The following NUP188 variants were observed in gnomAD, a reference collection of about 807,000 sequenced individuals.
NUP188 encodes the protein nucleoporin 188, also known as nucleoporin NUP188.
Under a neutral mutation model 223.0 loss-of-function variants are expected in NUP188, and 97 were observed. That is an observed-to-expected ratio of 0.43 (90% CI 0.37 to 0.51). The LOEUF (loss-of-function observed/expected upper bound fraction) is 0.51. Ranked by LOEUF, NUP188 falls within the 20% of genes least tolerant of loss-of-function variation. The probability of loss-of-function intolerance (pLI) is 0.00; values close to 1 mark genes in which losing one functional copy is unlikely to be tolerated. For missense variants in NUP188, 1,947 were observed against 2,175.6 expected (o/e 0.89, Z 2.09); for synonymous variants, 869 against 828.0 (o/e 1.05, Z -0.85).
At position 129,006,712 on chromosome 9, in the gene NUP188, C is replaced by T. The variant is rs770601461; in HGVS notation, c.*34C>T. ...TGTTCTGCCCACCTACCCCTCTCCA[C>T]CAGCCTACACTGCACCCTGGCTGGC... On this transcript the variant is annotated 3_prime_UTR_variant, in exon 44 of 44. Coordinates refer to ENST00000372577, the MANE Select transcript of NUP188 (RefSeq NM_015354.3). 1.9e-6 allele frequency: 3 copies of T among 1,587,594 alleles called. No homozygotes were observed. The highest frequency in any genetic ancestry group is 1.3e-5 in the African/African-American group (1 of 74,430).
At position 129,001,637 on chromosome 9, in the gene NUP188, A is replaced by G. The variant is rs774650720; in HGVS notation, c.3952A>G (p.Thr1318Ala). Reference sequence around the variant, plus strand: ...GCTCCCCATCCTACCCACCCTCCTCACCACTCTAGAGGTGAGCCTTCGCAT... The same window carrying G: ...GCTCCCCATCCTACCCACCCTCCTCGCCACTCTAGAGGTGAGCCTTCGCAT... ...RRLPILPTLL[T>A]TLEVSLRMKQ... The change falls in exon 35 of 44, where the codon ACC (threonine) becomes GCC (alanine). Residue 1318 changes from threonine (T) to alanine (A), a missense_variant. By Grantham distance (58) the Thr-to-Ala change is moderately conservative (BLOSUM62 0). Transcript: ENST00000372577. The G allele has an allele frequency of 1.7e-5, 28 of 1,613,822 alleles. 1 individual carries two copies. The South Asian group carries it at 3.0e-4, about 17-fold the overall frequency.
At chr9:128,954,270 A>G (rs1405563944) in intron 3 of NUP188, among the ~76,000 whole-genome samples, 2 of 149,962 alleles carry the variant, frequency 1.3e-5, no homozygotes, top group African/African-American at 4.9e-5. Flanking sequence ...GCTGGAGTGC[A>G]GTGGCACGAT....
chr9:128,990,893 C>T (rs1009307456), intron 25 of NUP188, among the ~76,000 whole-genome samples: 4 of 152,028 alleles, frequency 2.6e-5, no homozygotes, highest in African/African-American at 9.7e-5. Flanking sequence ...GTGGCAGGTG[C>T]CTGTGATCCC....
chr9:128,982,856 T>C (rs922034926), intron 16 of NUP188, 46 bp from the exon 17 acceptor site: 2 of 1,612,190 alleles, frequency 1.2e-6, no homozygotes, highest in Non-Finnish European at 1.7e-6. Flanking sequence ...TCAGTGATCT[T>C]AAAGGGGTTG....
chr9:128,960,243 G>GT (rs940415100), intron 8 of NUP188, among the ~76,000 whole-genome samples: 10 of 148,162 alleles, frequency 6.7e-5, no homozygotes, highest in Admixed American at 5.4e-4. Flanking sequence ...TTTTGTTTTT[G>GT]TTTTTTTTGT....
At chr9:128,974,796 G>A (rs1443805166) in intron 12 of NUP188, among the ~76,000 whole-genome samples, 2 of 148,552 alleles carry the variant, frequency 1.3e-5, no homozygotes, top group African/African-American at 5.0e-5. Flanking sequence ...TTTGGAGACA[G>A]GCTGGAGTGC....
intron 25 of NUP188, among the ~76,000 whole-genome samples, chr9:128,991,501 C>G (rs1842429335): frequency 6.6e-6 from 1 of 151,636 alleles, no homozygotes; most frequent in African/African-American, 2.4e-5. Context: ...TCACTGCACT[C>G]CAGCCTGGGC....
chr9:128,990,953 A>G (rs1182585826), intron 25 of NUP188, among the ~76,000 whole-genome samples: 1 of 152,154 alleles, frequency 6.6e-6, no homozygotes, highest in Non-Finnish European at 1.5e-5. Context: ...GGGAGGCAGA[A>G]GTTGCGGTGA....
intron 39 of NUP188, 21 bp downstream of exon 39, chr9:129,005,242 G>A (rs778878212): frequency 2.5e-6 from 4 of 1,613,490 alleles, no homozygotes; most frequent in African/African-American, 1.3e-5. Context: ...TATGCCATGA[G>A]GTCCTGGAAT....
intron 8 of NUP188, among the ~76,000 whole-genome samples, chr9:128,966,164 T>TGTGC (rs1175626161): frequency 1.0e-4 from 15 of 146,698 alleles, no homozygotes; most frequent in Admixed American, 8.1e-4. Context: ...TGTGTGTGTG[T>TGTGC]GTGTGCGTGT....
intron 8 of NUP188, among the ~76,000 whole-genome samples, chr9:128,964,952 C>T (rs1005112543): frequency 1.5e-4 from 23 of 152,088 alleles, no homozygotes; most frequent in African/African-American, 5.6e-4. Flanking sequence ...GTCATCCACC[C>T]GTCTCGGCCT....
intron 12 of NUP188, among the ~76,000 whole-genome samples, chr9:128,978,185 A>G (rs1018997266): frequency 2.0e-5 from 3 of 152,100 alleles, no homozygotes; most frequent in African/African-American, 7.2e-5. Context: ...GCAGTGAGCT[A>G]TGATGGTGCC....
chr9:128,994,875 G>A lies in NUP188; in HGVS notation c.3107G>A (p.Cys1036Tyr), dbSNP rs1842493501. 1 of 1,613,766 alleles carries A rather than the reference G, an allele frequency of 6.2e-7. No homozygotes were observed. Among genetic ancestry groups the A allele is most frequent in the Admixed American group, 1.7e-5 (1 of 60,002 alleles). ...CCACAGCCCAGCATCCTGGAAACCT[G>A]TGCCCTAATCATGAAGATAATTTGC... ...ETSEPSILETCALIMKIICLE... is the reference protein window; with the variant it reads ...ETSEPSILETYALIMKIICLE... The change falls in exon 29 of 44, where the codon TGT becomes TAT. Residue 1036 changes from cysteine (C) to tyrosine (Y), a missense_variant. Physicochemically the swap from Cys to Tyr is radical, Grantham distance 194. Around this residue, in one of 3 missense-constraint regions of NUP188, gnomAD observed 905 missense variants for 990.6 expected, o/e 0.91. Transcript: ENST00000372577.
At chr9:128,961,581 T>G (rs1031329631) in intron 8 of NUP188, among the ~76,000 whole-genome samples, 1 of 130,550 alleles carries the variant, frequency 7.7e-6, no homozygotes, top group Non-Finnish European at 1.5e-5. Flanking sequence ...TCTATATCTA[T>G]CTATCTATCT....
chr9:128,983,970 G>A (rs978896648), intron 19 of NUP188, among the ~76,000 whole-genome samples: 4 of 151,176 alleles, frequency 2.6e-5, no homozygotes, highest in Non-Finnish European at 5.9e-5. Flanking sequence ...ACAGATGTGC[G>A]GCACCACGCC....
chr9:128,993,336 A>G lies in NUP188; in HGVS notation c.2780A>G (p.Glu927Gly). The change falls in exon 26 of 44, where the codon GAG becomes GGG. Residue 927 changes from glutamate to glycine, a missense_variant. Physicochemically the swap from Glu to Gly is moderately conservative, Grantham distance 98 (BLOSUM62 -2). Around this residue, in one of 3 missense-constraint regions of NUP188, gnomAD observed 225 missense variants for 319.1 expected, o/e 0.71. Transcript: ENST00000372577. The stretch of plus-strand genomic sequence containing the variant: ...CTAGAGTTCCTCACTGTTGCAGTAG[A>G]GACCCAGCCAGGCCTCATCGAACTG... ...MILEFLTVAV[E>G]TQPGLIELFL... 1 of 1,614,216 alleles carries G rather than the reference A, an allele frequency of 6.2e-7. No individual in the cohort carries two copies. The highest frequency in any genetic ancestry group is 8.5e-7 in the Non-Finnish European group (1 of 1,180,034).
chr9:128,951,306 CAAAAA>C (rs34863865), intron 2 of NUP188, among the ~76,000 whole-genome samples: 4 of 86,248 alleles, frequency 4.6e-5, no homozygotes, highest in Admixed American at 2.5e-4. Flanking sequence ...GACTCCATCT[CAAAAA>C]AAAAAAAAAA....
In NUP188 at chr9:128,975,226, CT is replaced by C. The variant is rs540828761; in HGVS notation, c.1203+1994del. Among the ~76,000 whole-genome samples, 223 of 131,824 alleles carry C rather than the reference CT, an allele frequency of 1.7e-3. 1 individual carries two copies. The highest frequency in any genetic ancestry group is 9.6e-3 in the East Asian group (45 of 4,676). 86.5% of individuals were successfully genotyped at this position (131,824 alleles called of 152,430 possible). A position where few individuals can be genotyped will look rare whatever the true frequency, so the allele number is the denominator to read the frequency against. On this transcript the variant is annotated intron_variant, in intron 12 of 43. Coordinates refer to ENST00000372577, the MANE Select transcript of NUP188 (RefSeq NM_015354.3). The stretch of plus-strand genomic sequence containing the variant: ...AATTAATTAATTTCTTTTTCTTTTC[CT>C]TTTTTTTTTTTTTTTTGAGACGGAG...
intron 8 of NUP188, among the ~76,000 whole-genome samples, chr9:128,962,115 A>G (rs1214938031): frequency 1.3e-5 from 2 of 150,224 alleles, no homozygotes; most frequent in South Asian, 4.2e-4. Context: ...TTGTATTTTG[A>G]GTAGAGATGG....
Sources: allele counts gnomAD v4.1 joint callset (sites outside exome capture counted in the v4.1 genomes callset), GRCh38; gene constraint gnomAD v4.1.1; regional missense constraint gnomAD v4.1.1; transcripts MANE v1.5; gene names NCBI Gene and HGNC (gene_info 2026-07-23, HGNC 2026-07-21).